The following SLC25A38 variants were observed in gnomAD, a reference collection of about 807,000 sequenced individuals.
The protein encoded by SLC25A38 is solute carrier family 25 member 38.
Under a neutral mutation model 33.4 loss-of-function variants are expected in SLC25A38, and 27 were observed. The observed-to-expected ratio is 0.81, with a 90% CI of 0.60 to 1.11. The LOEUF (loss-of-function observed/expected upper bound fraction) is 1.11, where lower values mean the gene tolerates loss of function less well. Ranked by LOEUF, SLC25A38 falls within the 50% of genes most tolerant of loss-of-function variation. SLC25A38 has a pLI of 0.00. For synonymous variants in SLC25A38, 123 were observed against 145.9 expected (o/e 0.84, Z 1.13); for missense variants, 344 against 388.8 (o/e 0.88, Z 0.97).
chr3:39,386,664 G>C (rs2041710870), intron 1 of SLC25A38, among the ~76,000 whole-genome samples: 1 of 152,204 alleles, frequency 6.6e-6, no homozygotes, highest in Non-Finnish European at 1.5e-5. Flanking sequence ...GTAAAAAATT[G>C]GTGGCCGTCA....
chr3:39,391,297 C>A, intron 3 of SLC25A38, 144 bp from the exon 4 acceptor site: 1 of 1,121,298 alleles, frequency 8.9e-7, no homozygotes. Flanking sequence ...CTCATGTCCC[C>A]CACTTCCCTA....
chr3:39,394,813 G>T (rs2041810024), intron 6 of SLC25A38, among the ~76,000 whole-genome samples: 1 of 151,972 alleles, frequency 6.6e-6, no homozygotes, highest in African/African-American at 2.4e-5. Flanking sequence ...TTTCTTTGAG[G>T]GGTGGAGACA....
At chr3:39,387,655 G>A (rs974968771) in intron 1 of SLC25A38, among the ~76,000 whole-genome samples, 1 of 152,200 alleles carries the variant, frequency 6.6e-6, no homozygotes, top group African/African-American at 2.4e-5. Context: ...AAGACAAGGA[G>A]ACATTAGCAG....
chr3:39,383,515 C>T lies in SLC25A38; in HGVS notation c.-210C>T. The T allele has an allele frequency of 1.7e-6, 1 of 603,200 alleles. No individual in the cohort carries two copies. The highest frequency in any genetic ancestry group is 3.0e-6 in the Non-Finnish European group (1 of 335,842). 37.4% of individuals were successfully genotyped at this position (603,200 alleles called of 1,614,324 possible). A position where few individuals can be genotyped will look rare whatever the true frequency, so the allele number is the denominator to read the frequency against. On this transcript the variant is annotated 5_prime_UTR_variant, in exon 1 of 7. Transcript: ENST00000650617. ...GAAGAGCGGCGCGTAATTCCCGCAG[C>T]AAGATTGTTCCGCGCCCGCAGCCCC...
At position 39,390,494 on chromosome 3, in the gene SLC25A38, A is replaced by G; in HGVS notation, c.263A>G (p.Lys88Arg). ...ACGGAGAGTCTTTTGGGCCTTTGGA[A>G]AGGGATGTCCCCTGTAAGCTGCCAT... ...VRTESLLGLWKGMSPSIVRCV... is the reference protein window; with the variant it reads ...VRTESLLGLWRGMSPSIVRCV... The change falls in exon 3 of 7, where the codon AAA (lysine) becomes AGA (arginine). Residue 88 changes from lysine to arginine, a missense_variant. Physicochemically the swap from Lys to Arg is conservative, Grantham distance 26. This residue lies in a region of SLC25A38 where 269 missense variants were observed against 271.8 expected (regional missense o/e 0.99). Coordinates refer to ENST00000650617, the MANE Select transcript of SLC25A38 (RefSeq NM_017875.4). 1 of 1,614,094 alleles carries G rather than the reference A, an allele frequency of 6.2e-7. No homozygotes were observed. The highest frequency in any genetic ancestry group is 8.5e-7 in the Non-Finnish European group (1 of 1,180,000).
In SLC25A38 at chr3:39,394,516, T is replaced by A; in HGVS notation, c.732T>A (p.His244Gln). Reference sequence around the variant, plus strand: ...AACCTGCGGATGTTATCAAAACTCATATGCAGCTTTATCCACTGAAGTTTC... The same window carrying A: ...AACCTGCGGATGTTATCAAAACTCAAATGCAGCTTTATCCACTGAAGTTTC... ...VTQPADVIKT[H>Q]MQLYPLKFQW... The change falls in exon 6 of 7, where the codon CAT becomes CAA. Residue 244 changes from histidine to glutamine, a missense_variant. By Grantham distance (24) the His-to-Gln change is conservative. This residue lies in a region of SLC25A38 where 75 missense variants were observed against 117.0 expected (regional missense o/e 0.64). Coordinates refer to ENST00000650617, the MANE Select transcript of SLC25A38 (RefSeq NM_017875.4). The A allele has an allele frequency of 6.2e-7, 1 of 1,614,186 alleles. No individual in the cohort carries two copies.
At chr3:39,394,103 G>A (rs1270346711) in intron 5 of SLC25A38, among the ~76,000 whole-genome samples, 1 of 152,150 alleles carries the variant, frequency 6.6e-6, no homozygotes, top group Admixed American at 6.5e-5. Context: ...TAATGTCTAA[G>A]TATCTTTGTG....
rs34894781 is a variant in SLC25A38 at position 39,396,211 on chromosome 3, G to GA, written c.793-175dup. On this transcript the variant is annotated intron_variant, in intron 6 of 6. Coordinates refer to ENST00000650617, the MANE Select transcript of SLC25A38 (RefSeq NM_017875.4). Reference sequence around the variant, plus strand: ...GGCGACAGAGCCAGACTCTGCCTCGGAAAAAAAAAAAATTTTTTTTAAGTT... The same window carrying GA: ...GGCGACAGAGCCAGACTCTGCCTCGGAAAAAAAAAAAAATTTTTTTTAAGTT... Among the ~76,000 whole-genome samples the GA allele has an allele frequency of 0.27, 39,587 of 148,452 alleles. 5,726 individuals are homozygous for GA. Among genetic ancestry groups the GA allele is most frequent in the Non-Finnish European group, 0.32 (21,431 of 67,066 alleles).
At chr3:39,395,692 A>G (rs2041820077) in intron 6 of SLC25A38, among the ~76,000 whole-genome samples, 1 of 151,994 alleles carries the variant, frequency 6.6e-6, no homozygotes. Context: ...TTACAAAAAG[A>G]TAAGACAAAT....
At chr3:39,390,705 G>A (rs2041755651) in intron 3 of SLC25A38, among the ~76,000 whole-genome samples, 198 bp downstream of exon 3, 1 of 152,206 alleles carries the variant, frequency 6.6e-6, no homozygotes. Flanking sequence ...ATGCTTAGAT[G>A]TGATTTATTA....
chr3:39,384,757 T>A (rs1236613828), intron 1 of SLC25A38: 1 of 398,234 alleles, frequency 2.5e-6, no homozygotes, highest in Non-Finnish European at 4.4e-6. Flanking sequence ...AAGAAACTAC[T>A]TTTTTATTTA....
At chr3:39,391,754 C>T in intron 4 of SLC25A38, 99 bp from the exon 5 acceptor site, 1 of 1,601,438 alleles carries the variant, frequency 6.2e-7, no homozygotes, top group Non-Finnish European at 8.6e-7. Context: ...CATATGTGAA[C>T]TAGATCCCAT....
At chr3:39,383,873 C>T in intron 1 of SLC25A38, 80 bp downstream of exon 1, 1 of 1,514,000 alleles carries the variant, frequency 6.6e-7, no homozygotes, top group Non-Finnish European at 9.1e-7. Flanking sequence ...TGCTAAGGCT[C>T]GGCTACCCTT....
chr3:39,390,497 G>A lies in SLC25A38; in HGVS notation c.266G>A (p.Gly89Glu), dbSNP rs754074303. The change falls in exon 3 of 7, where the codon GGG (glycine) becomes GAG (glutamate). Residue 89 changes from glycine (G) to glutamate (E), a missense_variant. Transcript: ENST00000650617. The part of the protein sequence containing the change: ...RTESLLGLWK[G>E]MSPSIVRCVP... ...GAGAGTCTTTTGGGCCTTTGGAAAG[G>A]GATGTCCCCTGTAAGCTGCCATCTG... is the stretch of plus-strand genomic sequence containing the variant. 1.2e-6 allele frequency: 2 copies of A among 1,614,048 alleles called. No homozygotes were observed. The highest frequency in any genetic ancestry group is 2.2e-5 in the South Asian group (2 of 91,070).
chr3:39,394,495 T>A lies in SLC25A38; in HGVS notation c.711T>A (p.Pro237=). ...AGILASLVTQ[P]ADVIKTHMQL... ...TTCTGGCCTCACTGGTAACTCAACC[T>A]GCGGATGTTATCAAAACTCATATGC... is the stretch of plus-strand genomic sequence containing the variant. Residue 237 remains proline, a synonymous_variant, in exon 6 of 7, where the codon CCT becomes CCA. Coordinates refer to ENST00000650617, the MANE Select transcript of SLC25A38 (RefSeq NM_017875.4). The A allele has an allele frequency of 6.2e-7, 1 of 1,614,208 alleles. No homozygotes were observed. Among genetic ancestry groups the A allele is most frequent in the Non-Finnish European group, 8.5e-7 (1 of 1,180,028 alleles).
intron 1 of SLC25A38, among the ~76,000 whole-genome samples, chr3:39,388,117 T>C (rs1033603221): frequency 6.6e-5 from 10 of 152,138 alleles, no homozygotes; most frequent in African/African-American, 2.4e-4. Context: ...GGGGGGCTCA[T>C]TAATGCCACA....
chr3:39,393,609 T>C (rs2041798658), intron 5 of SLC25A38, among the ~76,000 whole-genome samples: 1 of 152,160 alleles, frequency 6.6e-6, no homozygotes, highest in South Asian at 2.1e-4. Flanking sequence ...AAGTGATTCT[T>C]GTGCCTCAGC....
chr3:39,388,832 G>T (rs1318432403), intron 1 of SLC25A38, among the ~76,000 whole-genome samples: 3 of 152,162 alleles, frequency 2.0e-5, no homozygotes, highest in Non-Finnish European at 4.4e-5. Flanking sequence ...GTCTTTGAAG[G>T]AGTTCCACCC....
At chr3:39,384,635 G>C (rs1284452739) in intron 1 of SLC25A38, 2 of 398,260 alleles carry the variant, frequency 5.0e-6, no homozygotes, top group African/African-American at 4.1e-5. Flanking sequence ...ATTGGACTTA[G>C]GATAGTTTTT....
Sources: gnomAD v4.1 joint callset for allele counts (sites outside exome capture counted in the v4.1 genomes callset) on GRCh38, gnomAD v4.1.1 for gene constraint, gnomAD v4.1.1 regional missense constraint, MANE v1.5 for transcripts, NCBI Gene and HGNC (gene_info 2026-07-23, HGNC 2026-07-21) for gene names.